The following MAP4K4 variants were observed in gnomAD, a reference collection of about 807,000 sequenced individuals.
MAP4K4 encodes the protein HPK/GCK-like kinase HGK.
MAP4K4 carries 38 observed loss-of-function variants against 189.6 expected under a neutral mutation model. The observed-to-expected ratio is 0.20, with a 90% CI of 0.15 to 0.26. The LOEUF (loss-of-function observed/expected upper bound fraction) is 0.26. MAP4K4 is among the 10% of genes least tolerant of loss of function. The pLI is 1.00. For missense variants in MAP4K4, 1,054 were observed against 1,726.9 expected, an observed-to-expected ratio of 0.61 and a Z score of 6.91; for synonymous variants, 610 against 624.3, an observed-to-expected ratio of 0.98 and a Z score of 0.34.
rs144478297 is a variant in MAP4K4 at position 101,703,197 on chromosome 2, C to T, written c.123+4659C>T. On this transcript the variant is annotated intron_variant, in intron 2 of 32. Transcript: ENST00000324219. ...CAGTGACAGGAGGTGAAGGCCGAGG[C>T]GGGATAGTGGCAGTGGTGGTAGAGA... 1.3e-3 allele frequency among the ~76,000 whole-genome samples: 198 copies of T among 151,942 alleles called. 1 individual carries two copies. The highest frequency in any genetic ancestry group is 4.6e-3 in the African/African-American group (192 of 41,434).
At chr2:101,725,671 G>A (rs2054908782) in intron 2 of MAP4K4, among the ~76,000 whole-genome samples, 1 of 152,124 alleles carries the variant, frequency 6.6e-6, no homozygotes, top group Non-Finnish European at 1.5e-5. Context: ...TCTGTAAGAT[G>A]ACATGAAGCT....
At chr2:101,724,456 G>A (rs2054093820) in intron 2 of MAP4K4, among the ~76,000 whole-genome samples, 1 of 152,132 alleles carries the variant, frequency 6.6e-6, no homozygotes, top group African/African-American at 2.4e-5. Context: ...AATGTTGAGT[G>A]CTTTCAAAAG....
At chr2:101,890,298 C>T (rs2098546856) in intron 32 of MAP4K4, among the ~76,000 whole-genome samples, 1 of 152,138 alleles carries the variant, frequency 6.6e-6, no homozygotes. Flanking sequence ...GAAATAACTT[C>T]AGAAACATCC....
intron 30 of MAP4K4, 114 bp downstream of exon 30, chr2:101,887,351 G>T: frequency 4.7e-6 from 5 of 1,065,546 alleles, no homozygotes; most frequent in Non-Finnish European, 6.7e-6. Context: ...CCCTTGGTGT[G>T]GGGGTGAGTA....
intron 2 of MAP4K4, among the ~76,000 whole-genome samples, chr2:101,707,714 G>A (rs1464717351): frequency 2.2e-5 from 3 of 136,950 alleles, no homozygotes; most frequent in Non-Finnish European, 4.7e-5. Flanking sequence ...TTTTTGAGAC[G>A]GAGTCTCGCT....
At chr2:101,721,347 A>G (rs1304982467) in intron 2 of MAP4K4, among the ~76,000 whole-genome samples, 1 of 152,054 alleles carries the variant, frequency 6.6e-6, no homozygotes, top group Admixed American at 6.6e-5. Context: ...CCCGTTTTGT[A>G]AAGGAGGGAT....
intron 3 of MAP4K4, among the ~76,000 whole-genome samples, chr2:101,804,517 C>T (rs1274161344): frequency 6.6e-6 from 1 of 152,170 alleles, no homozygotes; most frequent in African/African-American, 2.4e-5. Flanking sequence ...TCATGATGTC[C>T]TTGGGGCTCT....
At chr2:101,728,679 T>C (rs2056846784) in intron 2 of MAP4K4, among the ~76,000 whole-genome samples, 1 of 152,012 alleles carries the variant, frequency 6.6e-6, no homozygotes, top group Admixed American at 6.6e-5. Flanking sequence ...CCACCATGCC[T>C]GGTTAATTTT....
intron 2 of MAP4K4, among the ~76,000 whole-genome samples, chr2:101,717,754 C>T (rs192308448): frequency 4.6e-5 from 7 of 152,234 alleles, no homozygotes; most frequent in Non-Finnish European, 8.8e-5. Flanking sequence ...AATGAGGACT[C>T]ATTAGCCTTG....
intron 2 of MAP4K4, among the ~76,000 whole-genome samples, chr2:101,716,752 T>C (rs1260341954): frequency 2.0e-5 from 3 of 152,166 alleles, no homozygotes; most frequent in Non-Finnish European, 4.4e-5. Flanking sequence ...CTAGGATCTC[T>C]CCGGAAGCTG....
At chr2:101,805,093 A>G (rs2094795089) in intron 3 of MAP4K4, among the ~76,000 whole-genome samples, 3 of 151,710 alleles carry the variant, frequency 2.0e-5, no homozygotes, top group Admixed American at 2.0e-4. Context: ...AAAAAAAAAA[A>G]AAGTAATAAT....
chr2:101,782,793 G>C (rs1233465839), intron 2 of MAP4K4, among the ~76,000 whole-genome samples: 1 of 152,170 alleles, frequency 6.6e-6, no homozygotes, highest in Non-Finnish European at 1.5e-5. Context: ...TCTTATCTTA[G>C]ATGGCTCCTG....
At chr2:101,851,153 T>C (rs2097269515) in intron 12 of MAP4K4, among the ~76,000 whole-genome samples, 1 of 152,190 alleles carries the variant, frequency 6.6e-6, no homozygotes, top group Non-Finnish European at 1.5e-5. Context: ...AATTAAAGCT[T>C]AGTTGGACAA....
exon 33 of MAP4K4, chr2:101,894,061 A>T (rs1312145237): frequency 6.6e-6 from 1 of 152,308 alleles, no homozygotes; most frequent in Non-Finnish European, 1.5e-5. Context: ...TTCTCCGTTA[A>T]AGATTGGGAG....
chr2:101,738,412 A>G (rs983423974), intron 2 of MAP4K4, among the ~76,000 whole-genome samples: 2 of 152,206 alleles, frequency 1.3e-5, no homozygotes, highest in African/African-American at 4.8e-5. Flanking sequence ...AGTAACTTAC[A>G]TGCAGATTTT....
chr2:101,793,571 T>TG (rs2093292091), intron 3 of MAP4K4, among the ~76,000 whole-genome samples: 2 of 149,582 alleles, frequency 1.3e-5, no homozygotes, highest in African/African-American at 2.4e-5. Context: ...CTTCATGGTT[T>TG]TTTTTTTTTT....
At chr2:101,783,805 C>A (rs2148660766) in intron 2 of MAP4K4, among the ~76,000 whole-genome samples, 1 of 152,284 alleles carries the variant, frequency 6.6e-6, no homozygotes, top group East Asian at 1.9e-4. Context: ...CACGTCACAC[C>A]ACCATGGAAT....
intron 12 of MAP4K4, among the ~76,000 whole-genome samples, chr2:101,854,945 C>T (rs1285441450): frequency 6.6e-6 from 1 of 152,202 alleles, no homozygotes; most frequent in African/African-American, 2.4e-5. Flanking sequence ...GTTTTTCATT[C>T]ATGCTAGCTA....
At chr2:101,858,350 ACCACC>A (rs1408678712) in intron 13 of MAP4K4, among the ~76,000 whole-genome samples, 1 of 151,992 alleles carries the variant, frequency 6.6e-6, no homozygotes, top group Admixed American at 6.6e-5. Context: ...GAAAAGAAAA[ACCACC>A]CCATCCTCAC....
Sources: allele counts gnomAD v4.1 joint callset (sites outside exome capture counted in the v4.1 genomes callset), GRCh38; gene constraint gnomAD v4.1.1; transcripts MANE v1.5; gene names NCBI Gene and HGNC (gene_info 2026-07-23, HGNC 2026-07-21).